The following PAPPA2 variants were observed in gnomAD, a reference collection of about 807,000 sequenced individuals.
PAPPA2 encodes the protein pappalysin 2.
PAPPA2 carries 86 observed loss-of-function variants against 176.4 expected under a neutral mutation model. That is an observed-to-expected ratio of 0.49 (90% confidence interval 0.41 to 0.58). The LOEUF (loss-of-function observed/expected upper bound fraction) is 0.58, where lower values mean the gene tolerates loss of function less well. Among genes scored for constraint, PAPPA2 ranks in the 20% least tolerant of loss-of-function variants. The pLI, the probability that PAPPA2 is intolerant of heterozygous loss-of-function variation, is 0.00. For synonymous variants in PAPPA2, 809 were observed against 852.2 expected (o/e 0.95, Z 0.88); for missense variants, 2,073 against 2,256.9 (o/e 0.92, Z 1.65).
chr1:176,647,288 G>A (rs559645883), intron 3 of PAPPA2, among the ~76,000 whole-genome samples: 2 of 151,590 alleles, frequency 1.3e-5, no homozygotes, highest in African/African-American at 4.8e-5. Context: ...AGTTGTTTGA[G>A]CTCCGTATAT....
chr1:176,678,722 C>A (rs1210038019), intron 4 of PAPPA2, among the ~76,000 whole-genome samples: 4 of 151,602 alleles, frequency 2.6e-5, no homozygotes, highest in African/African-American at 7.3e-5. Flanking sequence ...ATCAATGACA[C>A]TGCTAGGAAT....
chr1:176,563,054 C>T (rs1651763438), intron 2 of PAPPA2, among the ~76,000 whole-genome samples: 1 of 152,124 alleles, frequency 6.6e-6, no homozygotes, highest in South Asian at 2.1e-4. Flanking sequence ...GTAATTCCTC[C>T]AGAGGCAAAT....
At chr1:176,634,797 G>A (rs2102714561) in intron 3 of PAPPA2, among the ~76,000 whole-genome samples, 1 of 68,322 alleles carries the variant, frequency 1.5e-5, no homozygotes, top group South Asian at 6.2e-4. Context: ...TTTCCAAGGA[G>A]AGAGATAGAT....
intron 1 of PAPPA2, among the ~76,000 whole-genome samples, chr1:176,464,126 G>T (rs1338158246): frequency 6.6e-6 from 1 of 152,178 alleles, no homozygotes; most frequent in Non-Finnish European, 1.5e-5. Flanking sequence ...ATACATTTTT[G>T]AGGACAACAG....
chr1:176,779,513 CACACACAG>C (rs1331151306), intron 17 of PAPPA2, among the ~76,000 whole-genome samples: 1,910 of 120,140 alleles, frequency 0.016, 17 homozygotes, highest in Non-Finnish European at 0.025. Context: ...CACACACACA[CACACACAG>C]AGAGAGAGAG....
chr1:176,806,792 C>T (rs539772847), intron 21 of PAPPA2, among the ~76,000 whole-genome samples: 17 of 152,262 alleles, frequency 1.1e-4, no homozygotes, highest in South Asian at 6.2e-4. Flanking sequence ...TCAGGAATAA[C>T]GGCAAACCTG....
chr1:176,737,529 A>G (rs1662473979), intron 12 of PAPPA2, among the ~76,000 whole-genome samples: 1 of 152,022 alleles, frequency 6.6e-6, no homozygotes, highest in Non-Finnish European at 1.5e-5. Context: ...AATGCCCAAG[A>G]CTCAGCATTC....
intron 17 of PAPPA2, 28 bp downstream of exon 17, chr1:176,771,208 G>C: frequency 6.3e-7 from 1 of 1,598,422 alleles, no homozygotes; most frequent in Non-Finnish European, 8.6e-7. Context: ...GGTCTTTGGA[G>C]TTCTACCTAC....
intron 3 of PAPPA2, among the ~76,000 whole-genome samples, chr1:176,602,631 A>C (rs1025656811): frequency 6.6e-6 from 1 of 152,182 alleles, no homozygotes; most frequent in Non-Finnish European, 1.5e-5. Context: ...AGCCAAAAAA[A>C]ACACACGCAG....
rs544630097 is a variant in PAPPA2 at position 176,699,073 on chromosome 1, T to A, written c.2747-27T>A. On this transcript the variant is annotated intron_variant, in intron 7 of 22. Coordinates refer to ENST00000367662, the MANE Select transcript of PAPPA2 (RefSeq NM_020318.3). The stretch of plus-strand genomic sequence containing the variant: ...TCTGACTTTTAATGGCTGCTACTGA[T>A]GTATCTTTCTGCTAATCTCCCCCCA... The A allele has an allele frequency of 1.2e-5, 19 of 1,590,358 alleles. No individual in the cohort carries two copies. In the South Asian group the frequency reaches 2.2e-4, roughly 18 times the overall value.
At chr1:176,702,772 TGTGTGAGAGAGA>T (rs773520640) in intron 9 of PAPPA2, 37 bp downstream of exon 9, 248 of 1,553,276 alleles carry the variant, frequency 1.6e-4, no homozygotes, top group Middle Eastern at 3.7e-4. Flanking sequence ...TGTGTGTGTG[TGTGTGAGAGAGA>T]GAGAGAGAGA....
chr1:176,738,816 A>T (rs755980866), intron 12 of PAPPA2, among the ~76,000 whole-genome samples: 7 of 152,314 alleles, frequency 4.6e-5, no homozygotes, highest in Non-Finnish European at 7.4e-5. Flanking sequence ...TTCATCTTCC[A>T]AACTCTCTAA....
At chr1:176,809,131 A>G (rs558342397) in intron 21 of PAPPA2, among the ~76,000 whole-genome samples, 1 of 152,224 alleles carries the variant, frequency 6.6e-6, no homozygotes, top group Non-Finnish European at 1.5e-5. Context: ...ATTTGCTTCT[A>G]TCTCAAACAC....
intron 21 of PAPPA2, among the ~76,000 whole-genome samples, chr1:176,813,451 A>G (rs893344226): frequency 3.3e-5 from 5 of 151,950 alleles, no homozygotes; most frequent in Admixed American, 6.6e-5. Context: ...ACCAGCATCT[A>G]TTGTTTCTTT....
chr1:176,564,210 G>T (rs972917680), intron 2 of PAPPA2, among the ~76,000 whole-genome samples: 2 of 152,188 alleles, frequency 1.3e-5, no homozygotes, highest in African/African-American at 4.8e-5. Flanking sequence ...GGCTTCAGGT[G>T]CTGTTGCTGT....
intron 12 of PAPPA2, among the ~76,000 whole-genome samples, chr1:176,716,226 T>C (rs1440916961): frequency 1.4e-5 from 2 of 141,756 alleles, no homozygotes; most frequent in African/African-American, 2.8e-5. Flanking sequence ...CAATTTAACC[T>C]CTTTCTTTTT....
intron 1 of PAPPA2, among the ~76,000 whole-genome samples, chr1:176,539,773 C>T (rs909882525): frequency 2.6e-5 from 4 of 152,190 alleles, no homozygotes; most frequent in African/African-American, 7.2e-5. Flanking sequence ...CCTTTTCCCA[C>T]GGGGAATCCA....
intron 3 of PAPPA2, among the ~76,000 whole-genome samples, chr1:176,626,165 G>C (rs1466314643): frequency 6.6e-6 from 1 of 152,126 alleles, no homozygotes; most frequent in African/African-American, 2.4e-5. Context: ...CCTCAGAAAG[G>C]CCTGTGTATA....
chr1:176,733,856 T>C (rs1662274367), intron 12 of PAPPA2, among the ~76,000 whole-genome samples: 1 of 152,056 alleles, frequency 6.6e-6, no homozygotes, highest in Non-Finnish European at 1.5e-5. Flanking sequence ...AAAGGAGAAC[T>C]GAAACAGCCC....
Sources: allele counts gnomAD v4.1 joint callset (sites outside exome capture counted in the v4.1 genomes callset), GRCh38; gene constraint gnomAD v4.1.1; transcripts MANE v1.5; gene names NCBI Gene and HGNC (gene_info 2026-07-23, HGNC 2026-07-21).